The following GRM8 variants were observed in gnomAD, a reference collection of about 807,000 sequenced individuals.
GRM8 encodes metabotropic glutamate receptor 8.
GRM8 carries 47 observed loss-of-function variants against 87.2 expected under a neutral mutation model. The observed-to-expected ratio is 0.54, with a 90% CI of 0.43 to 0.69. The LOEUF (loss-of-function observed/expected upper bound fraction) is 0.69, where lower values mean the gene tolerates loss of function less well. GRM8 is among the 30% of genes least tolerant of loss of function. The probability of loss-of-function intolerance (pLI) is 0.00; values close to 1 mark genes in which losing one functional copy is unlikely to be tolerated. For synonymous variants in GRM8, 396 were observed against 404.5 expected, an observed-to-expected ratio of 0.98 and a Z score of 0.25; for missense variants, 1,019 against 1,139.2, an observed-to-expected ratio of 0.89 and a Z score of 1.52.
chr7:126,813,378 TTCCTAAAAAG>T (rs1793477888), intron 6 of GRM8, among the ~76,000 whole-genome samples: 1 of 152,050 alleles, frequency 6.6e-6, no homozygotes, highest in Non-Finnish European at 1.5e-5. Context: ...CAATGTTAAG[TTCCTAAAAAG>T]TCCTAAAAAG....
At chr7:127,130,814 A>G (rs1827648278) in intron 2 of GRM8, among the ~76,000 whole-genome samples, 1 of 152,090 alleles carries the variant, frequency 6.6e-6, no homozygotes, top group African/African-American at 2.4e-5. Flanking sequence ...ATAGTGAGAG[A>G]GTTCTCATGA....
At chr7:127,131,214 TGC>T (rs1827668215) in intron 2 of GRM8, among the ~76,000 whole-genome samples, 1 of 152,204 alleles carries the variant, frequency 6.6e-6, no homozygotes, top group African/African-American at 2.4e-5. Flanking sequence ...TCTTGTTGAT[TGC>T]TTACAATAGC....
intron 2 of GRM8, among the ~76,000 whole-genome samples, chr7:127,149,837 C>G (rs1828754985): frequency 6.6e-6 from 1 of 151,894 alleles, no homozygotes; most frequent in Admixed American, 6.6e-5. Context: ...CATGTGGAAT[C>G]TAAAAAATCA....
intron 2 of GRM8, chr7:127,229,648 G>A (rs564001508): frequency 6.6e-6 from 1 of 152,292 alleles, no homozygotes; most frequent in Non-Finnish European, 1.5e-5. Flanking sequence ...ACAAGTTAAA[G>A]TGCTGCAGCA....
intron 9 of GRM8, among the ~76,000 whole-genome samples, chr7:126,495,894 A>T (rs1316947019): frequency 6.6e-6 from 1 of 152,148 alleles, no homozygotes; most frequent in Non-Finnish European, 1.5e-5. Context: ...CTCACTAGGC[A>T]TACGTGCATG....
At chr7:127,188,546 T>A (rs993853117) in intron 2 of GRM8, among the ~76,000 whole-genome samples, 6 of 152,178 alleles carry the variant, frequency 3.9e-5, no homozygotes, top group African/African-American at 1.4e-4. Context: ...CCATCTTCAA[T>A]GAATGGACTG....
rs192453801 is a variant in GRM8, at chr7:126,466,451, T to C, written c.2431-20079A>G. On this transcript the variant is annotated intron_variant, in intron 9 of 10. Transcript: ENST00000339582. ...AATTCTTGATTCTGTATAATGTCCA[T>C]ATTAGTCAGGGTTCTCCAAATACCA... 2.4e-3 allele frequency among the ~76,000 whole-genome samples: 362 copies of C among 152,094 alleles called. 2 individuals are homozygous for C. Among genetic ancestry groups the C allele is most frequent in the African/African-American group, 8.3e-3 (343 of 41,536 alleles).
At chr7:126,900,992 C>T (rs13233035) in intron 6 of GRM8, among the ~76,000 whole-genome samples, 52 of 152,216 alleles carry the variant, frequency 3.4e-4, no homozygotes, top group African/African-American at 1.2e-3. Flanking sequence ...TGTGTCCTAC[C>T]GGTAGAATAA....
chr7:127,181,214 A>C (rs1794415982), intron 2 of GRM8, among the ~76,000 whole-genome samples: 1 of 152,120 alleles, frequency 6.6e-6, no homozygotes, highest in African/African-American at 2.4e-5. Context: ...GCAAGCAGAG[A>C]ATCAAATCAA....
intron 3 of GRM8, among the ~76,000 whole-genome samples, chr7:127,025,215 G>T (rs1816658165): frequency 6.6e-6 from 1 of 151,990 alleles, no homozygotes; most frequent in Non-Finnish European, 1.5e-5. Flanking sequence ...CCTGTTCCCA[G>T]AACAAGGTAG....
chr7:127,015,120 A>G (rs1040396590), intron 3 of GRM8, among the ~76,000 whole-genome samples: 1 of 141,536 alleles, frequency 7.1e-6, no homozygotes, highest in African/African-American at 2.6e-5. Context: ...AAGAAGGAGA[A>G]GAAGGAGAAG....
intron 1 of GRM8, among the ~76,000 whole-genome samples, chr7:127,246,061 T>A (rs1186475940): frequency 3.3e-5 from 5 of 152,240 alleles, no homozygotes; most frequent in African/African-American, 1.2e-4. Context: ...GAGCTACTTA[T>A]AAAATATTTA....
intron 2 of GRM8, among the ~76,000 whole-genome samples, chr7:127,141,749 C>T (rs932837858): frequency 6.6e-6 from 1 of 152,124 alleles, no homozygotes; most frequent in Non-Finnish European, 1.5e-5. Flanking sequence ...AAGAAATATG[C>T]TCATTGTGGA....
chr7:126,540,856 CTG>C (rs1347083652), intron 8 of GRM8, among the ~76,000 whole-genome samples: 3 of 152,172 alleles, frequency 2.0e-5, no homozygotes, highest in African/African-American at 4.8e-5. Context: ...ATGTGCAACA[CTG>C]TGAATATACG....
intron 7 of GRM8, among the ~76,000 whole-genome samples, chr7:126,692,194 A>T (rs1456185354): frequency 2.0e-5 from 3 of 152,240 alleles, no homozygotes; most frequent in African/African-American, 7.2e-5. Flanking sequence ...GGGCTAACGA[A>T]CTTTCTCCAT....
intron 9 of GRM8, among the ~76,000 whole-genome samples, chr7:126,462,544 C>T (rs113814297): frequency 0.02 from 3,086 of 151,546 alleles, 98 homozygotes; most frequent in African/African-American, 0.071. Flanking sequence ...AGTCAATTTA[C>T]CAGCATAATT....
chr7:126,655,368 T>C (rs1373664595), intron 7 of GRM8, among the ~76,000 whole-genome samples: 1 of 152,212 alleles, frequency 6.6e-6, no homozygotes, highest in Non-Finnish European at 1.5e-5. Context: ...AAACATTTCA[T>C]CTGATATAGT....
intron 8 of GRM8, among the ~76,000 whole-genome samples, chr7:126,593,948 G>A (rs1562988887): frequency 6.6e-6 from 1 of 151,890 alleles, no homozygotes; most frequent in Non-Finnish European, 1.5e-5. Context: ...CTGAATAGAT[G>A]CTTTTCAAAA....
intron 8 of GRM8, among the ~76,000 whole-genome samples, chr7:126,571,849 T>C (rs560083727): frequency 1.3e-5 from 2 of 151,650 alleles, no homozygotes; most frequent in East Asian, 2.0e-4. Context: ...AAAGTGATAC[T>C]CCTGCCTCAG....
Sources: gnomAD v4.1 joint callset for allele counts (sites outside exome capture counted in the v4.1 genomes callset) on GRCh38, gnomAD v4.1.1 for gene constraint, MANE v1.5 for transcripts, NCBI Gene and HGNC (gene_info 2026-07-23, HGNC 2026-07-21) for gene names.